The following NPR3 variants were observed in gnomAD, a reference collection of about 807,000 sequenced individuals.
NPR3 encodes atrial natriuretic peptide receptor 3.
A neutral mutation model predicts 54.5 loss-of-function variants in NPR3; 34 were observed. The observed-to-expected ratio is 0.62, with a 90% CI of 0.47 to 0.83. NPR3 has a LOEUF of 0.83. Among genes scored for constraint, NPR3 ranks in the 40% least tolerant of loss-of-function variants. NPR3 has a pLI of 0.00. For synonymous variants in NPR3, 289 were observed against 297.1 expected, an observed-to-expected ratio of 0.97 and a Z score of 0.28; for missense variants, 674 against 720.8, an observed-to-expected ratio of 0.94 and a Z score of 0.74.
intron 3 of NPR3, among the ~76,000 whole-genome samples, chr5:32,748,945 C>T (rs1211514920): frequency 6.6e-6 from 1 of 152,112 alleles, no homozygotes; most frequent in African/African-American, 2.4e-5. Flanking sequence ...ATTGACTCAA[C>T]TTTACCTTCC....
At chr5:32,714,363 A>G (rs1738436135) in intron 1 of NPR3, among the ~76,000 whole-genome samples, 1 of 149,894 alleles carries the variant, frequency 6.7e-6, no homozygotes, top group Admixed American at 6.6e-5. Flanking sequence ...GTGGTGGCTG[A>G]GGCCTGGGGC....
intron 3 of NPR3, among the ~76,000 whole-genome samples, chr5:32,739,461 A>T (rs548032099): frequency 2.0e-5 from 3 of 151,926 alleles, no homozygotes; most frequent in Non-Finnish European, 4.4e-5. Flanking sequence ...GGGTTTTAGG[A>T]TACATTTTCT....
chr5:32,777,041 G>A (rs940574342), intron 4 of NPR3, among the ~76,000 whole-genome samples: 1 of 152,198 alleles, frequency 6.6e-6, no homozygotes, highest in African/African-American at 2.4e-5. Flanking sequence ...TCCCCAGAGA[G>A]AGCAAGATGG....
intron 5 of NPR3, among the ~76,000 whole-genome samples, chr5:32,781,808 G>A (rs190433886): frequency 4.0e-4 from 61 of 152,232 alleles, no homozygotes; most frequent in African/African-American, 1.4e-3. Flanking sequence ...CAGGGGTGGA[G>A]GTGTATAAAG....
At chr5:32,783,074 C>T (rs757591270) in intron 6 of NPR3, 46 bp downstream of exon 6, 4 of 1,548,294 alleles carry the variant, frequency 2.6e-6, no homozygotes, top group African/African-American at 2.7e-5. Context: ...CACCTCTAAC[C>T]TCAGTGTAAT....
chr5:32,695,968 C>T (rs531388806), intron 1 of NPR3, among the ~76,000 whole-genome samples: 5 of 152,054 alleles, frequency 3.3e-5, no homozygotes, highest in East Asian at 3.9e-4. Context: ...TCCCATTTTA[C>T]GGGCTGCCTT....
intron 4 of NPR3, among the ~76,000 whole-genome samples, chr5:32,779,682 C>T (rs1388821801): frequency 6.6e-6 from 1 of 152,126 alleles, no homozygotes; most frequent in African/African-American, 2.4e-5. Context: ...TATAAAATTC[C>T]CACTCTTTCA....
chr5:32,786,329 A>G lies in NPR3; in HGVS notation c.1610A>G (p.His537Arg), dbSNP rs778813937. Reference sequence around the variant, plus strand: ...TTACGGGAAGATTCCATCAGATCCCATTTTTCAGTAGCTTAAAGGAAGCCC... The same window carrying G: ...TTACGGGAAGATTCCATCAGATCCCGTTTTTCAGTAGCTTAAAGGAAGCCC... ...RELREDSIRS[H>R]FSVA Residue 537 changes from histidine (H) to arginine (R), a missense_variant, in exon 8 of 8, where the codon CAT becomes CGT. Transcript: ENST00000265074. The G allele has an allele frequency of 3.3e-6, 5 of 1,516,334 alleles. No individual in the cohort carries two copies. Among genetic ancestry groups the G allele is most frequent in the Non-Finnish European group, 4.5e-6 (5 of 1,099,608 alleles). The allele number at this position is 1,516,334 out of a possible 1,614,324, so 93.9% of individuals were successfully genotyped here. A position where few individuals can be genotyped will look rare whatever the true frequency, so the allele number is the denominator to read the frequency against.
chr5:32,712,164 C>G lies in NPR3; in HGVS notation c.388C>G (p.Leu130Val). The change falls in exon 1 of 8, where the codon CTT (leucine) becomes GTT (valine). Residue 130 changes from leucine to valine, a missense_variant. Leu to Val is a conservative substitution (Grantham distance 32). Transcript: ENST00000265074. ...GGCGGCGCGGGGCGCCAAGCCAGAC[C>G]TTATCCTGGGGCCAGTGTGCGAGTA... ...VAAARGAKPD[L>V]ILGPVCEYAA... 2 of 1,613,314 alleles carry G rather than the reference C, an allele frequency of 1.2e-6. No individual in the cohort carries two copies. The highest frequency in any genetic ancestry group is 1.3e-5 in the African/African-American group (1 of 75,044).
In NPR3 at chr5:32,774,734, C is replaced by T. The variant is rs147308580; in HGVS notation, c.1086C>T (p.His362=). 2.8e-4 allele frequency: 450 copies of T among 1,610,180 alleles called. No homozygotes were observed. The African/African-American group carries it at 2.9e-3, about 11-fold the overall frequency. Reference sequence around the variant, plus strand: ...TTAACATGTTTGTTGAAGGATTCCACGATGCCATCCTCCTCTACGTCTTGG... The same window carrying T: ...TTAACATGTTTGTTGAAGGATTCCATGATGCCATCCTCCTCTACGTCTTGG... ...DYVNMFVEGF[H]DAILLYVLAL... Residue 362 remains histidine (H), a synonymous_variant, in exon 4 of 8, where the codon CAC becomes CAT. Coordinates refer to ENST00000265074, the MANE Select transcript of NPR3 (RefSeq NM_001204375.2).
At chr5:32,761,871 C>T (rs1193234102) in intron 3 of NPR3, among the ~76,000 whole-genome samples, 1 of 151,666 alleles carries the variant, frequency 6.6e-6, no homozygotes, top group Non-Finnish European at 1.5e-5. Flanking sequence ...TATACACGTG[C>T]CATGGTGATT....
rs143114463 is a variant in NPR3 at position 32,767,341 on chromosome 5, T to C, written c.1060-7367T>C. Among the ~76,000 whole-genome samples, 85 of 152,354 alleles carry C rather than the reference T, an allele frequency of 5.6e-4. 1 individual carries two copies. Among genetic ancestry groups the C allele is most frequent in the African/African-American group, 1.9e-3 (79 of 41,576 alleles). The stretch of plus-strand genomic sequence containing the variant: ...AGATCTCTTTTTCCTGTTCGGAGGT[T>C]GGTCAGACTCTCTGTCATAGGATAA... On this transcript the variant is annotated intron_variant, in intron 3 of 7. Coordinates refer to ENST00000265074, the MANE Select transcript of NPR3 (RefSeq NM_001204375.2).
chr5:32,722,229 C>G (rs976961301), intron 1 of NPR3, among the ~76,000 whole-genome samples: 1 of 152,156 alleles, frequency 6.6e-6, no homozygotes, highest in Non-Finnish European at 1.5e-5. Context: ...TGGACCCTGG[C>G]TGTTTGGTCC....
At chr5:32,723,877 T>C (rs1738997267) in intron 1 of NPR3, among the ~76,000 whole-genome samples, 1 of 151,518 alleles carries the variant, frequency 6.6e-6, no homozygotes, top group Admixed American at 6.6e-5. Flanking sequence ...TCTCACCTCC[T>C]CTCCTCTCCC....
At chr5:32,734,275 C>CTTAT (rs1739611398) in intron 2 of NPR3, among the ~76,000 whole-genome samples, 1 of 152,100 alleles carries the variant, frequency 6.6e-6, no homozygotes, top group African/African-American at 2.4e-5. Flanking sequence ...TACTGTGGGG[C>CTTAT]CAGGCCAGGT....
chr5:32,773,560 GTGCCCTGACTGTGTGTTTT>G (rs1265415005), intron 3 of NPR3, among the ~76,000 whole-genome samples: 1 of 152,196 alleles, frequency 6.6e-6, no homozygotes, highest in Non-Finnish European at 1.5e-5. Flanking sequence ...CTGTGAGAAT[GTGCCCTGACTGTGTGTTTT>G]TGCCCTCACT....
chr5:32,724,885 A>G, intron 2 of NPR3, 65 bp downstream of exon 2: 10 of 1,578,868 alleles, frequency 6.3e-6, no homozygotes, highest in Non-Finnish European at 8.7e-6. Flanking sequence ...GATGCCCATG[A>G]ATGGTGGGTT....
At chr5:32,729,021 T>TTC (rs1739309691) in intron 2 of NPR3, among the ~76,000 whole-genome samples, 1 of 101,404 alleles carries the variant, frequency 9.9e-6, no homozygotes, top group East Asian at 2.7e-4. Flanking sequence ...TGTGTTTTTT[T>TTC]TTTTTTTTGT....
chr5:32,707,221 A>G (rs550448748), upstream of NPR3, among the ~76,000 whole-genome samples: 18 of 152,080 alleles, frequency 1.2e-4, no homozygotes, highest in Non-Finnish European at 2.1e-4. Context: ...TAAAGAAACA[A>G]CTCTGTGTTT....
Sources: gnomAD v4.1 joint callset for allele counts (sites outside exome capture counted in the v4.1 genomes callset) on GRCh38, gnomAD v4.1.1 for gene constraint, MANE v1.5 for transcripts, NCBI Gene and HGNC (gene_info 2026-07-23, HGNC 2026-07-21) for gene names.